The following ST6GAL2 variants were observed in gnomAD, a reference collection of about 807,000 sequenced individuals.
ST6GAL2 encodes the protein ST6 beta-galactoside alpha-2,6-sialyltransferase 2.
In ST6GAL2, 24 loss-of-function variants were observed where a neutral mutation model predicts 37.5. The ratio of observed to expected loss-of-function variants is 0.64; its 90% CI spans 0.46 to 0.90. The LOEUF (loss-of-function observed/expected upper bound fraction) is 0.90. Ranked by LOEUF, ST6GAL2 falls within the 40% of genes least tolerant of loss-of-function variation. The pLI is 0.00. For missense variants in ST6GAL2, 715 were observed against 712.7 expected (o/e 1.00, Z -0.04); for synonymous variants, 306 against 295.1 (o/e 1.04, Z -0.38).
chr2:106,884,771 T>G (rs1678891721), intron 1 of ST6GAL2, among the ~76,000 whole-genome samples: 1 of 151,858 alleles, frequency 6.6e-6, no homozygotes, highest in South Asian at 2.1e-4. Flanking sequence ...TAGTACAAAA[T>G]TCCTCAAGTG....
intron 5 of ST6GAL2, among the ~76,000 whole-genome samples, chr2:106,825,593 T>G (rs991444693): frequency 6.6e-6 from 1 of 152,250 alleles, no homozygotes; most frequent in East Asian, 1.9e-4. Context: ...TGAAAAACAT[T>G]GAGCTAAAAC....
chr2:106,834,846 A>G (rs1374048981), intron 2 of ST6GAL2: 1 of 152,258 alleles, frequency 6.6e-6, no homozygotes, highest in African/African-American at 2.4e-5. Context: ...TATGTTCTAT[A>G]ACCACACACC....
chr2:106,806,660 A>T lies in ST6GAL2; in HGVS notation c.*18T>A. 1 of 1,609,382 alleles carries T rather than the reference A, an allele frequency of 6.2e-7. No individual in the cohort carries two copies. Among genetic ancestry groups the T allele is most frequent in the South Asian group, 1.1e-5 (1 of 90,572 alleles). ...AACAGTAGTACCTTATTGCACATTG[A>T]TTCCCAAGAAACCCTTTTTAAGAGT... On this transcript the variant is annotated 3_prime_UTR_variant, in exon 6 of 6. Transcript: ENST00000409382.
At chr2:106,851,631 T>C (rs1189315781) in intron 1 of ST6GAL2, among the ~76,000 whole-genome samples, 1 of 152,002 alleles carries the variant, frequency 6.6e-6, no homozygotes, top group African/African-American at 2.4e-5. Flanking sequence ...GTTGACAAGC[T>C]TTATTGCCCA....
In ST6GAL2 at chr2:106,843,362, G is replaced by A. The variant is rs1416447332; in HGVS notation, c.616C>T (p.Arg206Trp). ...YSSMSRAFLY[R>W]LWKGNVSSKM... The stretch of plus-strand genomic sequence containing the variant: ...GAAGAGACGTTCCCCTTCCAGAGCC[G>A]GTACAGGAAGGCCCTGGACATGGAG... The change falls in exon 2 of 6, where the codon CGG becomes TGG. Residue 206 changes from arginine (R) to tryptophan (W), a missense_variant. Arg to Trp is a moderately radical substitution (Grantham distance 101). Transcript: ENST00000409382. 14 of 1,614,100 alleles carry A rather than the reference G, an allele frequency of 8.7e-6. No homozygotes were observed. Among genetic ancestry groups the A allele is most frequent in the South Asian group, 1.1e-5 (1 of 91,084 alleles).
At chr2:106,863,866 G>A (rs1393063154) in intron 1 of ST6GAL2, among the ~76,000 whole-genome samples, 9 of 152,180 alleles carry the variant, frequency 5.9e-5, no homozygotes, top group Non-Finnish European at 1.0e-4. Context: ...CAGCACAGAA[G>A]CTACAAAACA....
chr2:106,832,227 G>A (rs1274083625), intron 4 of ST6GAL2, among the ~76,000 whole-genome samples: 1 of 152,192 alleles, frequency 6.6e-6, no homozygotes, highest in Non-Finnish European at 1.5e-5. Flanking sequence ...CTACTTGAAA[G>A]GTAATGTAGC....
intron 5 of ST6GAL2, chr2:106,822,790 G>A (rs146974170): frequency 2.3e-4 from 35 of 152,132 alleles, no homozygotes; most frequent in African/African-American, 6.7e-4. Flanking sequence ...AGTAATTGTG[G>A]TTTTTGCCAT....
At chr2:106,821,560 A>G (rs1317656711) in intron 5 of ST6GAL2, among the ~76,000 whole-genome samples, 1 of 151,980 alleles carries the variant, frequency 6.6e-6, no homozygotes, top group Non-Finnish European at 1.5e-5. Context: ...CCAGGATTCA[A>G]TGGCTTTACT....
chr2:106,812,574 A>C (rs904640202), intron 5 of ST6GAL2, among the ~76,000 whole-genome samples: 1 of 152,204 alleles, frequency 6.6e-6, no homozygotes, highest in African/African-American at 2.4e-5. Context: ...GAACCTTCCC[A>C]AAAAATCCAA....
At chr2:106,849,095 T>C (rs559426271) in intron 1 of ST6GAL2, among the ~76,000 whole-genome samples, 2 of 152,344 alleles carry the variant, frequency 1.3e-5, no homozygotes, top group East Asian at 1.9e-4. Context: ...ACCCCATTCA[T>C]CTGCAGTTGG....
intron 5 of ST6GAL2, among the ~76,000 whole-genome samples, chr2:106,821,533 T>C (rs1348239579): frequency 6.6e-6 from 1 of 151,874 alleles, no homozygotes; most frequent in African/African-American, 2.4e-5. Flanking sequence ...TAATAAAGTT[T>C]CCCAGCAAAG....
chr2:106,845,553 G>T (rs572160271), intron 1 of ST6GAL2, among the ~76,000 whole-genome samples: 26 of 152,296 alleles, frequency 1.7e-4, no homozygotes, highest in African/African-American at 5.8e-4. Context: ...AAACACAAAG[G>T]CATGTAGGGC....
rs1483884374 is a variant in ST6GAL2 at position 106,843,797 on chromosome 2, T to A, written c.181A>T (p.Ile61Phe). ...GAGGGCTCATGTGCGGCGCCCATGA[T>A]GGCCCGCTGCTTCCCCTGCACCGGC... is the stretch of plus-strand genomic sequence containing the variant. ...LLPVQGKQRA[I>F]MGAAHEPSPP... Residue 61 changes from isoleucine (I) to phenylalanine (F), a missense_variant, in exon 2 of 6, where the codon ATC becomes TTC. By Grantham distance (21) the Ile-to-Phe change is conservative (BLOSUM62 0). Coordinates refer to ENST00000409382, the MANE Select transcript of ST6GAL2 (RefSeq NM_001142351.2). 1 of 1,610,988 alleles carries A rather than the reference T, an allele frequency of 6.2e-7. No homozygotes were observed. Among genetic ancestry groups the A allele is most frequent in the East Asian group, 2.2e-5 (1 of 44,776 alleles).
chr2:106,845,511 G>A lies in ST6GAL2; in HGVS notation c.-57-1477C>T, dbSNP rs1052954395. Among the ~76,000 whole-genome samples the A allele has an allele frequency of 3.9e-5, 6 of 152,158 alleles. No homozygotes were observed. In the East Asian group the frequency reaches 9.6e-4, roughly 24 times the overall value. ...GCCAGGGGAAATGTGTGACCCCCAC[G>A]ATCCTTCCCCAGTACAGGCTGACCA... is the stretch of plus-strand genomic sequence containing the variant. On this transcript the variant is annotated intron_variant, in intron 1 of 5. Coordinates refer to ENST00000409382, the MANE Select transcript of ST6GAL2 (RefSeq NM_001142351.2).
rs940656685 is a variant in ST6GAL2, at chr2:106,806,588, C to T, written c.*90G>A. ...ATTACTGTTTAAAGACTCAAAACTA[C>T]ACTGTCTAAAATCTATCTTCAAGTA... On this transcript the variant is annotated 3_prime_UTR_variant, in exon 6 of 6. Coordinates refer to ENST00000409382, the MANE Select transcript of ST6GAL2 (RefSeq NM_001142351.2). 21 of 1,432,098 alleles carry T rather than the reference C, an allele frequency of 1.5e-5. No individual in the cohort carries two copies. The highest frequency in any genetic ancestry group is 2.0e-5 in the Admixed American group (1 of 49,798). 88.7% of individuals were successfully genotyped at this position (1,432,098 alleles called of 1,614,324 possible). A position where few individuals can be genotyped will look rare whatever the true frequency, so the allele number is the denominator to read the frequency against.
At chr2:106,808,374 G>C (rs773359066) in intron 5 of ST6GAL2, among the ~76,000 whole-genome samples, 6 of 152,206 alleles carry the variant, frequency 3.9e-5, no homozygotes, top group African/African-American at 1.2e-4. Context: ...TGGTATCATA[G>C]TTGAGAGTAA....
At chr2:106,813,072 G>C (rs778400727) in intron 5 of ST6GAL2, 242 of 1,190,542 alleles carry the variant, frequency 2.0e-4, no homozygotes, top group Non-Finnish European at 2.3e-4. Flanking sequence ...CAGCTGTTTT[G>C]AATCTTTAAA....
chr2:106,874,109 C>T (rs11680654), intron 1 of ST6GAL2, among the ~76,000 whole-genome samples: 94,468 of 152,030 alleles, frequency 0.62, 30,526 homozygotes, highest in Non-Finnish European at 0.74. Context: ...AGCTGGCACA[C>T]GGAGTTCTGG....
Sources: allele counts gnomAD v4.1 joint callset (sites outside exome capture counted in the v4.1 genomes callset), GRCh38; gene constraint gnomAD v4.1.1; transcripts MANE v1.5; gene names NCBI Gene and HGNC (gene_info 2026-07-23, HGNC 2026-07-21).